The following TSHR variants were observed in gnomAD, a reference collection of about 807,000 sequenced individuals.
TSHR encodes the protein thyrotropin receptor.
A neutral mutation model predicts 64.1 loss-of-function variants in TSHR; 51 were observed. That is an observed-to-expected ratio of 0.80 (90% CI 0.64 to 1.01). The LOEUF is 1.01. Ranked by LOEUF, TSHR falls within the 50% of genes least tolerant of loss-of-function variation. The pLI, the probability that TSHR is intolerant of heterozygous loss-of-function variation, is 0.00. For synonymous variants in TSHR, 361 were observed against 361.9 expected, an observed-to-expected ratio of 1.00 and a Z score of 0.03; for missense variants, 877 against 942.8, an observed-to-expected ratio of 0.93 and a Z score of 0.91.
intron 1 of TSHR, among the ~76,000 whole-genome samples, chr14:81,056,224 C>T (rs955766050): frequency 1.2e-4 from 19 of 152,114 alleles, no homozygotes; most frequent in Non-Finnish European, 2.5e-4. Context: ...GATTATGAGG[C>T]TTCCTTAGCC....
chr14:80,964,268 G>T (rs900552747), intron 1 of TSHR, among the ~76,000 whole-genome samples: 1 of 152,186 alleles, frequency 6.6e-6, no homozygotes, highest in African/African-American at 2.4e-5. Context: ...GATATCAGAG[G>T]CATAGATCCA....
intron 1 of TSHR, among the ~76,000 whole-genome samples, chr14:81,042,181 A>G (rs571112661): frequency 9.9e-5 from 15 of 152,220 alleles, no homozygotes; most frequent in Non-Finnish European, 1.9e-4. Context: ...GAGAACTCTC[A>G]TACACTTTTG....
intron 1 of TSHR, among the ~76,000 whole-genome samples, chr14:80,997,192 GAAGGTGTCTCTGATTCCA>G (rs1889067826): frequency 6.6e-6 from 1 of 152,122 alleles, no homozygotes; most frequent in Non-Finnish European, 1.5e-5. Context: ...GAAACTGGAA[GAAGGTGTCTCTGATTCCA>G]AAGCTCCATG....
chr14:81,089,079 C>T (rs533811200), intron 4 of TSHR, among the ~76,000 whole-genome samples: 1 of 151,268 alleles, frequency 6.6e-6, no homozygotes, highest in South Asian at 2.1e-4. Flanking sequence ...CCGCCACTTC[C>T]TGCATTCAAG....
At chr14:80,992,554 C>T (rs1349022166) in intron 1 of TSHR, 5 of 152,026 alleles carry the variant, frequency 3.3e-5, no homozygotes, top group African/African-American at 4.8e-5. Context: ...ATGTGAGATA[C>T]TCAAGAGGAC....
At chr14:80,984,163 G>A (rs1266703639) in intron 1 of TSHR, among the ~76,000 whole-genome samples, 2 of 152,172 alleles carry the variant, frequency 1.3e-5, no homozygotes, top group African/African-American at 2.4e-5. Flanking sequence ...TTTAATGTAA[G>A]AGAAACTACT....
At chr14:81,102,652 C>A in intron 7 of TSHR, 1 of 359,350 alleles carries the variant, frequency 2.8e-6, no homozygotes, top group Non-Finnish European at 3.9e-6. Flanking sequence ...GTGAAAGCAG[C>A]CATAGACAAT....
intron 1 of TSHR, among the ~76,000 whole-genome samples, chr14:81,043,331 T>C (rs1307052754): frequency 6.6e-6 from 1 of 152,038 alleles, no homozygotes; most frequent in Non-Finnish European, 1.5e-5. Flanking sequence ...TGAACTCCCA[T>C]TCACAACTGC....
At chr14:81,012,627 G>C (rs1489169281) in intron 1 of TSHR, 1 of 152,106 alleles carries the variant, frequency 6.6e-6, no homozygotes, top group Non-Finnish European at 1.5e-5. Context: ...TTTAATGATT[G>C]CCATTCTAAC....
At chr14:81,014,477 T>A (rs1009188302) in intron 1 of TSHR, 1 of 152,206 alleles carries the variant, frequency 6.6e-6, no homozygotes, top group Non-Finnish European at 1.5e-5. Flanking sequence ...AATGTACTAA[T>A]AGCCTTCAGT....
At chr14:81,046,852 G>A (rs943808669) in intron 1 of TSHR, among the ~76,000 whole-genome samples, 2 of 152,060 alleles carry the variant, frequency 1.3e-5, no homozygotes, top group Non-Finnish European at 2.9e-5. Flanking sequence ...AAGGAATGAA[G>A]GTTAAAAGGG....
intron 1 of TSHR, among the ~76,000 whole-genome samples, chr14:81,021,786 G>A (rs1594962124): frequency 6.6e-6 from 1 of 152,268 alleles, no homozygotes; most frequent in Non-Finnish European, 1.5e-5. Flanking sequence ...TAAAATGTAT[G>A]ATCTGAGTCA....
Position 81,103,631 on chromosome 14 carries a change from C to T in TSHR, c.615-4744C>T, listed in dbSNP as rs554464820. On this transcript the variant is annotated intron_variant, in intron 7 of 9. Coordinates refer to ENST00000298171, the MANE Select transcript of TSHR (RefSeq NM_000369.5). This position sits in a 1 kb window ranked among gnomAD's most constrained non-coding sequence, Gnocchi z 4.1. ...CACATTGTCCTATGACTTCCTATGG[C>T]GCCAAGAATGTTGTCATCACTCAGA... 64 of 985,404 alleles carry T rather than the reference C, an allele frequency of 6.5e-5. No homozygotes were observed. Among genetic ancestry groups the T allele is most frequent in the East Asian group, 4.5e-4 (4 of 8,818 alleles). The allele number at this position is 985,404 out of a possible 1,614,324, so 61.0% of individuals were successfully genotyped here. A position where few individuals can be genotyped will look rare whatever the true frequency, so the allele number is the denominator to read the frequency against.
intron 1 of TSHR, among the ~76,000 whole-genome samples, chr14:81,002,025 G>C (rs2139760524): frequency 6.6e-6 from 1 of 152,116 alleles, no homozygotes; most frequent in African/African-American, 2.4e-5. Context: ...GAAAGTTTTT[G>C]GCAACCTACA....
At chr14:81,138,302 C>G (rs534206107) in intron 8 of TSHR, among the ~76,000 whole-genome samples, 1 of 151,446 alleles carries the variant, frequency 6.6e-6, no homozygotes, top group African/African-American at 2.4e-5. Context: ...GTGATTCTCC[C>G]GCCTCAGCCT....
At chr14:81,065,496 G>A (rs944258468) in intron 2 of TSHR, among the ~76,000 whole-genome samples, 1 of 152,144 alleles carries the variant, frequency 6.6e-6, no homozygotes, top group African/African-American at 2.4e-5. Flanking sequence ...TAAGAAGAGG[G>A]TTGGTTGACT....
chr14:81,112,062 C>T (rs1476614494), intron 8 of TSHR, among the ~76,000 whole-genome samples: 4 of 151,992 alleles, frequency 2.6e-5, no homozygotes, highest in Non-Finnish European at 5.9e-5. Flanking sequence ...GTGAAACTGC[C>T]TGAAAATGCT....
chr14:81,025,345 A>G (rs1883992077), intron 1 of TSHR, among the ~76,000 whole-genome samples: 2 of 152,206 alleles, frequency 1.3e-5, no homozygotes, highest in African/African-American at 2.4e-5. Flanking sequence ...TCTCCAAAAA[A>G]GGATTCAATA....
intron 1 of TSHR, chr14:80,982,386 C>A: frequency 3.2e-6 from 4 of 1,257,518 alleles, no homozygotes; most frequent in Admixed American, 4.2e-5. Context: ...GTAATCATTC[C>A]GGTGCTAAGA....
Sources: allele counts gnomAD v4.1 joint callset (sites outside exome capture counted in the v4.1 genomes callset), GRCh38; gene constraint gnomAD v4.1.1; non-coding constraint Gnocchi (gnomAD v3.1); transcripts MANE v1.5; gene names NCBI Gene and HGNC (gene_info 2026-07-23, HGNC 2026-07-21).